Variants in SLC24A2 observed in about 807,000 individuals in gnomAD.
SLC24A2 encodes solute carrier family 24 member 2, also known as sodium/potassium/calcium exchanger 2.
Under a neutral mutation model 62.0 loss-of-function variants are expected in SLC24A2, and 36 were observed. That is an observed-to-expected ratio of 0.58 (90% CI 0.44 to 0.77). The LOEUF (loss-of-function observed/expected upper bound fraction) is 0.77. SLC24A2 is among the 30% of genes least tolerant of loss of function. The pLI, the probability that SLC24A2 is intolerant of heterozygous loss-of-function variation, is 0.00. For missense variants in SLC24A2, 846 were observed against 817.9 expected (o/e 1.03, Z -0.42); for synonymous variants, 358 against 294.0 (o/e 1.22, Z -2.23).
the SLC24A2 span, among the ~76,000 whole-genome samples, chr9:19,810,173 G>T: frequency 6.6e-6 from 1 of 152,156 alleles, no homozygotes; most frequent in Admixed American, 6.5e-5. Context: ...CCAGGGATTA[G>T]TGAGGGTAGC....
the SLC24A2 span, among the ~76,000 whole-genome samples, chr9:20,274,633 G>A: frequency 6.6e-6 from 1 of 152,150 alleles, no homozygotes; most frequent in African/African-American, 2.4e-5. Flanking sequence ...AAGAAACTCA[G>A]AGATGTGAAG....
intron 2 of SLC24A2, among the ~76,000 whole-genome samples, chr9:19,674,561 A>T (rs1031124591): frequency 3.9e-5 from 6 of 152,070 alleles, no homozygotes; most frequent in African/African-American, 1.2e-4. Context: ...TCATTTTTTT[A>T]AAAAATTCTT....
the SLC24A2 span, among the ~76,000 whole-genome samples, chr9:19,994,972 C>T: frequency 3.9e-5 from 6 of 152,120 alleles, no homozygotes; most frequent in East Asian, 1.2e-3. Context: ...ACACCCTTTA[C>T]CTTAAAATGT....
chr9:20,266,247 T>C, the SLC24A2 span, among the ~76,000 whole-genome samples: 2 of 152,180 alleles, frequency 1.3e-5, no homozygotes. Context: ...TTGTGGGTTG[T>C]GGGGCATCAC....
the SLC24A2 span, among the ~76,000 whole-genome samples, chr9:20,113,181 T>A: frequency 4.6e-5 from 7 of 152,114 alleles, no homozygotes; most frequent in Admixed American, 1.3e-4. Flanking sequence ...GGTCAAGAAA[T>A]CACTCCAGGT....
the SLC24A2 span, among the ~76,000 whole-genome samples, chr9:19,972,835 AG>A: frequency 0.032 from 4,899 of 152,266 alleles, 218 homozygotes; most frequent in African/African-American, 0.1. Flanking sequence ...ACCTTGCCAA[AG>A]TTTCTGTCAT....
the SLC24A2 span, among the ~76,000 whole-genome samples, chr9:20,002,922 C>G: frequency 6.6e-6 from 1 of 152,186 alleles, no homozygotes; most frequent in Non-Finnish European, 1.5e-5. Context: ...GATGTACAAC[C>G]AATACATTCA....
At chr9:20,294,827 T>A in the SLC24A2 span, among the ~76,000 whole-genome samples, 1 of 152,100 alleles carries the variant, frequency 6.6e-6, no homozygotes, top group Non-Finnish European at 1.5e-5. Flanking sequence ...CCACCCAACA[T>A]TGGTATAACA....
chr9:20,098,511 G>A, the SLC24A2 span, among the ~76,000 whole-genome samples: 1 of 152,160 alleles, frequency 6.6e-6, no homozygotes, highest in Admixed American at 6.5e-5. Context: ...AAGGAGCCAT[G>A]TTGTCCTTTT....
intron 2 of SLC24A2, among the ~76,000 whole-genome samples, chr9:19,747,543 A>G (rs1464707506): frequency 6.6e-6 from 1 of 152,234 alleles, no homozygotes; most frequent in Non-Finnish European, 1.5e-5. Flanking sequence ...CTAGCATGTA[A>G]TCAGCATTTA....
chr9:20,079,171 G>A, the SLC24A2 span, among the ~76,000 whole-genome samples: 1 of 151,360 alleles, frequency 6.6e-6, no homozygotes, highest in African/African-American at 2.4e-5. Flanking sequence ...GAGTTATGCA[G>A]CCACCAGAAG....
chr9:20,194,352 T>C, the SLC24A2 span, among the ~76,000 whole-genome samples: 1 of 152,154 alleles, frequency 6.6e-6, no homozygotes, highest in Non-Finnish European at 1.5e-5. Flanking sequence ...TCCATTTGAC[T>C]GAAGCCCGAT....
chr9:19,799,826 G>T, the SLC24A2 span, among the ~76,000 whole-genome samples: 13 of 151,794 alleles, frequency 8.6e-5, no homozygotes, highest in African/African-American at 3.1e-4. Flanking sequence ...TTTTTAATTG[G>T]CATATTCATT....
At chr9:20,143,194 G>A in the SLC24A2 span, among the ~76,000 whole-genome samples, 1 of 152,168 alleles carries the variant, frequency 6.6e-6, no homozygotes, top group African/African-American at 2.4e-5. Flanking sequence ...GGAAAAGAGA[G>A]TGCCCAAGAA....
chr9:20,153,797 A>G, the SLC24A2 span, among the ~76,000 whole-genome samples: 1 of 151,978 alleles, frequency 6.6e-6, no homozygotes, highest in East Asian at 1.9e-4. Context: ...TGTTAACTGC[A>G]TTGTTTTGGA....
the SLC24A2 span, among the ~76,000 whole-genome samples, chr9:19,847,041 G>A: frequency 6.6e-6 from 1 of 151,996 alleles, no homozygotes; most frequent in Non-Finnish European, 1.5e-5. Context: ...ATGCAGATCT[G>A]GCTTAGGTTC....
At chr9:20,010,377 A>C in the SLC24A2 span, among the ~76,000 whole-genome samples, 1 of 152,196 alleles carries the variant, frequency 6.6e-6, no homozygotes, top group Non-Finnish European at 1.5e-5. Flanking sequence ...AAAAGAAACT[A>C]ATAAAGCTCT....
At chr9:20,012,294 A>G in the SLC24A2 span, among the ~76,000 whole-genome samples, 28 of 152,340 alleles carry the variant, frequency 1.8e-4, no homozygotes, top group East Asian at 5.8e-4. Context: ...CTCACATGGC[A>G]GCAGACAAGA....
At chr9:19,541,233 G>C (rs931357018) in intron 8 of SLC24A2, among the ~76,000 whole-genome samples, 1 of 146,958 alleles carries the variant, frequency 6.8e-6, no homozygotes, top group African/African-American at 2.5e-5. Flanking sequence ...ATCCAGCTTT[G>C]TTCCGTTGCT....
Sources: gnomAD v4.1 joint callset for allele counts (sites outside exome capture counted in the v4.1 genomes callset) on GRCh38, gnomAD v4.1.1 for gene constraint, MANE v1.5 for transcripts, NCBI Gene and HGNC (gene_info 2026-07-23, HGNC 2026-07-21) for gene names.